The following RIN3 variants were observed in gnomAD, a reference collection of about 807,000 sequenced individuals.
RIN3 encodes the protein Ras and Rab interactor 3, also known as RAB5 interacting protein 3.
Under a neutral mutation model 76.3 loss-of-function variants are expected in RIN3, and 54 were observed. The observed-to-expected ratio is 0.71, with a 90% CI of 0.57 to 0.89. RIN3 has a LOEUF of 0.89. RIN3 is among the 40% of genes least tolerant of loss of function. The pLI is 0.00. For synonymous variants in RIN3, 576 were observed against 564.0 expected (o/e 1.02, Z -0.30); for missense variants, 1,256 against 1,322.1 (o/e 0.95, Z 0.78).
rs1335371601 is a variant in RIN3 at position 92,688,270 on chromosome 14, T to TC, written c.*22dup. ...TCCTGTGAGGCCCTCCCGGGGCGCC[T>TC]CCCCTCACCCCCAGGCGCACGTCTG... is the stretch of plus-strand genomic sequence containing the variant. On this transcript the variant is annotated 3_prime_UTR_variant, in exon 10 of 10. Transcript: ENST00000216487. The TC allele has an allele frequency of 6.5e-7, 1 of 1,538,912 alleles. No individual in the cohort carries two copies. The highest frequency in any genetic ancestry group is 8.7e-7 in the Non-Finnish European group (1 of 1,144,528).
chr14:92,514,679 C>G lies in RIN3; in HGVS notation c.44+703C>G, dbSNP rs1896390173. Among the ~76,000 whole-genome samples the G allele has an allele frequency of 6.6e-6, 1 of 152,216 alleles. No individual in the cohort carries two copies. The highest frequency in any genetic ancestry group is 6.5e-5 in the Admixed American group (1 of 15,290). On this transcript the variant is annotated intron_variant, in intron 1 of 9. Coordinates refer to ENST00000216487, the MANE Select transcript of RIN3 (RefSeq NM_024832.5). This position sits in a 1 kb window ranked among gnomAD's most constrained non-coding sequence, Gnocchi z 7.2. ...TTGGGAACTGACTTGGAGAGGAGTC[C>G]CCGGTGGCTAAGTCCCCGCTCCGCC...
chr14:92,542,292 A>G (rs35301673), intron 1 of RIN3, among the ~76,000 whole-genome samples: 50,968 of 152,022 alleles, frequency 0.34, 8,726 homozygotes, highest in Admixed American at 0.38. Flanking sequence ...TGTCTCAAAA[A>G]AAAAAGGCCA....
intron 7 of RIN3, among the ~76,000 whole-genome samples, chr14:92,667,640 A>G (rs755666488): frequency 9.8e-5 from 15 of 152,340 alleles, no homozygotes; most frequent in Admixed American, 3.3e-4. Flanking sequence ...CAGATAGGTA[A>G]ATAGATAATT....
intron 3 of RIN3, among the ~76,000 whole-genome samples, chr14:92,615,142 G>A (rs749021597): frequency 4.3e-4 from 65 of 151,966 alleles, no homozygotes; most frequent in South Asian, 4.1e-4. Context: ...TACCCGGCCC[G>A]GGTATGTCTT....
At chr14:92,636,807 T>C (rs1566879156) in intron 4 of RIN3, among the ~76,000 whole-genome samples, 2 of 152,164 alleles carry the variant, frequency 1.3e-5, no homozygotes, top group African/African-American at 4.8e-5. Context: ...CCCAGCACTT[T>C]GGGAGAAGGA....
At chr14:92,564,647 G>T (rs1040856663) in intron 2 of RIN3, among the ~76,000 whole-genome samples, 2 of 152,190 alleles carry the variant, frequency 1.3e-5, no homozygotes, top group Admixed American at 6.5e-5. Context: ...ACCATTGCCC[G>T]CTGTTTTTTT....
At chr14:92,584,853 G>A (rs1317271064) in intron 3 of RIN3, among the ~76,000 whole-genome samples, 1 of 152,122 alleles carries the variant, frequency 6.6e-6, no homozygotes, top group Non-Finnish European at 1.5e-5. Flanking sequence ...TAAAAAGAAG[G>A]CCACTTGGCC....
chr14:92,652,937 A>G lies in RIN3; in HGVS notation c.1888A>G (p.Met630Val), dbSNP rs34513065. ...VQDYKVYSLE[M>V]MARQTSSTEM... ...GGACTACAAGGTGTACAGCCTGGAG[A>G]TGATGGCGCGCCAGACCTCCAGCAC... Residue 630 changes from methionine (M) to valine (V), a missense_variant, in exon 6 of 10, where the codon ATG becomes GTG. By Grantham distance (21) the Met-to-Val change is conservative. This residue lies in a region of RIN3 where 428 missense variants were observed against 521.2 expected (regional missense o/e 0.82). Transcript: ENST00000216487. This position sits in a 1 kb window ranked among gnomAD's most constrained non-coding sequence, Gnocchi z 6.4. 5.0e-6 allele frequency: 8 copies of G among 1,613,734 alleles called. No homozygotes were observed. In the Admixed American group the frequency reaches 1.3e-4, roughly 27 times the overall value.
intron 6 of RIN3, among the ~76,000 whole-genome samples, chr14:92,654,109 T>C (rs994770199): frequency 6.6e-6 from 1 of 151,596 alleles, no homozygotes; most frequent in Admixed American, 6.6e-5. Context: ...AGGTCAAGAG[T>C]TCGAGACCAG....
chr14:92,632,890 G>A (rs144827196), intron 4 of RIN3, among the ~76,000 whole-genome samples: 194 of 152,330 alleles, frequency 1.3e-3, no homozygotes, highest in African/African-American at 4.4e-3. Flanking sequence ...CATAATGGGT[G>A]GGAGGTAAAA....
chr14:92,551,479 C>CT (rs942946653), intron 1 of RIN3, among the ~76,000 whole-genome samples: 23 of 152,092 alleles, frequency 1.5e-4, no homozygotes, highest in African/African-American at 4.3e-4. Context: ...AGTGGAATCG[C>CT]TGGGCCATAG....
At chr14:92,641,510 T>C (rs1044462335) in intron 5 of RIN3, among the ~76,000 whole-genome samples, 181 bp downstream of exon 5, 3 of 151,714 alleles carry the variant, frequency 2.0e-5, no homozygotes, top group Non-Finnish European at 4.4e-5. Context: ...TTCTAAAGAG[T>C]CGCCTCTATC....
chr14:92,527,301 C>T (rs548601463), intron 1 of RIN3, among the ~76,000 whole-genome samples: 1 of 152,198 alleles, frequency 6.6e-6, no homozygotes, highest in South Asian at 2.1e-4. Flanking sequence ...ATCCACCCGT[C>T]TCAGCCTCCC....
At chr14:92,576,787 G>A (rs1036150834) in intron 2 of RIN3, among the ~76,000 whole-genome samples, 3 of 152,202 alleles carry the variant, frequency 2.0e-5, no homozygotes, top group Non-Finnish European at 4.4e-5. Flanking sequence ...TATGTGGAGT[G>A]TCATCACAGC....
chr14:92,634,504 G>C (rs1225881869), intron 4 of RIN3, among the ~76,000 whole-genome samples: 3 of 152,180 alleles, frequency 2.0e-5, no homozygotes, highest in African/African-American at 7.2e-5. Flanking sequence ...TAATAGCCCT[G>C]ACCTTGGGGG....
At chr14:92,637,659 A>G (rs925562704) in intron 4 of RIN3, among the ~76,000 whole-genome samples, 1 of 152,150 alleles carries the variant, frequency 6.6e-6, no homozygotes, top group Non-Finnish European at 1.5e-5. Flanking sequence ...ACATTTTAAC[A>G]AATGTTGACA....
At chr14:92,578,283 T>C (rs1898319657) in intron 3 of RIN3, among the ~76,000 whole-genome samples, 1 of 150,600 alleles carries the variant, frequency 6.6e-6, no homozygotes, top group Non-Finnish European at 1.5e-5. Context: ...AAAAATCCTG[T>C]GTGTGCATAG....
At chr14:92,599,559 C>G (rs959614304) in intron 3 of RIN3, among the ~76,000 whole-genome samples, 1 of 152,060 alleles carries the variant, frequency 6.6e-6, no homozygotes, top group East Asian at 1.9e-4. Context: ...GCGTCGGTGC[C>G]TGGGAGAAAG....
chr14:92,621,621 G>T (rs922733525), intron 4 of RIN3, among the ~76,000 whole-genome samples: 5 of 152,182 alleles, frequency 3.3e-5, no homozygotes, highest in Admixed American at 6.5e-5. Flanking sequence ...TTTGTCTAAG[G>T]ACCTGGGATC....
Sources: allele counts gnomAD v4.1 joint callset (sites outside exome capture counted in the v4.1 genomes callset), GRCh38; gene constraint gnomAD v4.1.1; regional missense constraint gnomAD v4.1.1; non-coding constraint Gnocchi (gnomAD v3.1); transcripts MANE v1.5; gene names NCBI Gene and HGNC (gene_info 2026-07-23, HGNC 2026-07-21).